Variants in NKAIN3 observed in about 807,000 individuals in gnomAD.
NKAIN3 encodes sodium/potassium-transporting ATPase subunit beta-1-interacting protein 3.
NKAIN3 carries 25 observed loss-of-function variants against 30.2 expected under a neutral mutation model. That is an observed-to-expected ratio of 0.83 (90% CI 0.60 to 1.16). The LOEUF is 1.16. Ranked by LOEUF, NKAIN3 falls within the 50% of genes most tolerant of loss-of-function variation. The probability of loss-of-function intolerance (pLI) is 0.00; values close to 1 mark genes in which losing one functional copy is unlikely to be tolerated. For missense variants in NKAIN3, 225 were observed against 254.1 expected, an observed-to-expected ratio of 0.89 and a Z score of 0.78; for synonymous variants, 91 against 89.6, an observed-to-expected ratio of 1.02 and a Z score of -0.09.
At chr8:62,657,429 G>A (rs1310158131) in intron 3 of NKAIN3, among the ~76,000 whole-genome samples, 1 of 152,128 alleles carries the variant, frequency 6.6e-6, no homozygotes. Context: ...CCAATCTCAA[G>A]AGCAAGAGAA....
chr8:62,912,797 G>A (rs199517180), intron 4 of NKAIN3, among the ~76,000 whole-genome samples: 4 of 151,910 alleles, frequency 2.6e-5, no homozygotes, highest in South Asian at 4.2e-4. Context: ...TAATCCCAGC[G>A]ACTCGGGAGG....
rs1364699106 is a variant in NKAIN3, at chr8:62,581,887, TC to T, written c.192+2213del. Among the ~76,000 whole-genome samples the T allele has an allele frequency of 1.5e-3, 17 of 11,388 alleles. 2 individuals carry two copies. The highest frequency in any genetic ancestry group is 5.5e-3 in the African/African-American group (15 of 2,710). 7.5% of individuals were successfully genotyped at this position (11,388 alleles called of 152,430 possible). ...ATCCTCACTCCCTTCCTTCTACCCT[TC>T]CTCCCTCCCTTCCTTCTTTCCTTCC... On this transcript the variant is annotated intron_variant, in intron 2 of 6. Coordinates refer to ENST00000623646, the MANE Select transcript of NKAIN3 (RefSeq NM_001304533.3).
At chr8:62,348,831 A>G (rs1165018452) in intron 1 of NKAIN3, among the ~76,000 whole-genome samples, 2 of 152,232 alleles carry the variant, frequency 1.3e-5, no homozygotes. Context: ...AATATCATTT[A>G]CACATTTCTC....
rs10086944 is a variant in NKAIN3 at position 62,800,882 on chromosome 8, C to A, written c.471+53753C>A. Among the ~76,000 whole-genome samples, 512 of 143,922 alleles carry A rather than the reference C, an allele frequency of 3.6e-3. 3 individuals carry two copies. Among genetic ancestry groups the A allele is most frequent in the African/African-American group, 0.011 (428 of 39,334 alleles). 94.4% of individuals were successfully genotyped at this position (143,922 alleles called of 152,430 possible). A position where few individuals can be genotyped will look rare whatever the true frequency, so the allele number is the denominator to read the frequency against. On this transcript the variant is annotated intron_variant, in intron 4 of 6. Coordinates refer to ENST00000623646, the MANE Select transcript of NKAIN3 (RefSeq NM_001304533.3). ...CCTAGTCAAAGAAAGGGGTGACAGA[C>A]GGCACCTGGAAAATCGGGTCACTCC...
At chr8:62,914,488 C>T (rs1822022207) in intron 4 of NKAIN3, among the ~76,000 whole-genome samples, 2 of 150,556 alleles carry the variant, frequency 1.3e-5, no homozygotes. Context: ...ACCCCCAAAC[C>T]TAAAATAAAA....
At chr8:62,880,915 T>C (rs1294258876) in intron 4 of NKAIN3, among the ~76,000 whole-genome samples, 2 of 152,192 alleles carry the variant, frequency 1.3e-5, no homozygotes, top group Non-Finnish European at 2.9e-5. Context: ...TTACATGCCA[T>C]ATACCCACTC....
At chr8:62,354,221 A>C (rs1816274418) in intron 1 of NKAIN3, among the ~76,000 whole-genome samples, 1 of 152,210 alleles carries the variant, frequency 6.6e-6, no homozygotes, top group South Asian at 2.1e-4. Flanking sequence ...TTTCTAATAC[A>C]AATTATATGT....
intron 2 of NKAIN3, 102 bp downstream of exon 2, chr8:62,579,778 C>A: frequency 1.7e-6 from 1 of 589,928 alleles, no homozygotes; most frequent in African/African-American, 1.9e-5. Context: ...TATAATGTGG[C>A]ATTGCTTTTC....
intron 1 of NKAIN3, among the ~76,000 whole-genome samples, chr8:62,562,874 T>A (rs1253319492): frequency 6.6e-6 from 1 of 152,164 alleles, no homozygotes; most frequent in African/African-American, 2.4e-5. Context: ...GCAGGTGGTC[T>A]CTATCACAAA....
At chr8:62,392,709 C>T (rs1817615065) in intron 1 of NKAIN3, among the ~76,000 whole-genome samples, 2 of 151,968 alleles carry the variant, frequency 1.3e-5, no homozygotes, top group South Asian at 4.1e-4. Flanking sequence ...AGTGTTGCAT[C>T]TGTTTGTCAA....
At chr8:62,608,804 A>G (rs192594771) in intron 3 of NKAIN3, among the ~76,000 whole-genome samples, 54 of 152,310 alleles carry the variant, frequency 3.5e-4, no homozygotes, top group African/African-American at 1.1e-3. Context: ...ATGAAATCAT[A>G]TAGTTTTATT....
At chr8:62,481,348 G>T (rs1806711623) in intron 1 of NKAIN3, among the ~76,000 whole-genome samples, 1 of 151,864 alleles carries the variant, frequency 6.6e-6, no homozygotes, top group Non-Finnish European at 1.5e-5. Flanking sequence ...CATCCTGGAG[G>T]GCACTTCTCA....
rs1245449706 is a variant in NKAIN3, at chr8:62,683,357, A to G, written c.274-63575A>G. On this transcript the variant is annotated intron_variant, in intron 3 of 6. Coordinates refer to ENST00000623646, the MANE Select transcript of NKAIN3 (RefSeq NM_001304533.3). ...CCACTATGGGTCAGTTTTTAATGATACTCGCTGTTGCTTCACAATGCAGTT... is the reference window on the plus strand; with the variant it reads ...CCACTATGGGTCAGTTTTTAATGATGCTCGCTGTTGCTTCACAATGCAGTT... Among the ~76,000 whole-genome samples, 5 of 152,120 alleles carry G rather than the reference A, an allele frequency of 3.3e-5. No homozygotes were observed. The East Asian group carries it at 7.8e-4, about 24-fold the overall frequency.
intron 1 of NKAIN3, among the ~76,000 whole-genome samples, chr8:62,525,634 G>A (rs374259539): frequency 6.6e-6 from 1 of 152,020 alleles, no homozygotes; most frequent in African/African-American, 2.4e-5. Context: ...CCTGCCCCTC[G>A]GTCGAGCACT....
intron 4 of NKAIN3, among the ~76,000 whole-genome samples, chr8:62,771,347 A>G (rs1037761161): frequency 6.6e-6 from 1 of 151,662 alleles, no homozygotes; most frequent in East Asian, 1.9e-4. Flanking sequence ...AAAGAAAGAG[A>G]TTTTTAAATG....
chr8:62,965,620 T>TG lies in NKAIN3; in HGVS notation c.*213_*214insG, dbSNP rs1823689281. 16 of 886,500 alleles carry TG rather than the reference T, an allele frequency of 1.8e-5. No homozygotes were observed. Among genetic ancestry groups the TG allele is most frequent in the Non-Finnish European group, 2.1e-5 (16 of 749,996 alleles). 54.9% of individuals were successfully genotyped at this position (886,500 alleles called of 1,614,324 possible). ...TTCTTATATGAACACTTGTAAGTTG[T>TG]AAAAAAAAAAAAAAAAGAAAAAACA... On this transcript the variant is annotated 3_prime_UTR_variant, in exon 7 of 7. Transcript: ENST00000623646.
At chr8:62,449,676 A>C (rs1805583121) in intron 1 of NKAIN3, among the ~76,000 whole-genome samples, 1 of 152,102 alleles carries the variant, frequency 6.6e-6, no homozygotes, top group African/African-American at 2.4e-5. Flanking sequence ...GTATTAAAAT[A>C]CTAAAAGGTA....
chr8:62,569,552 G>C (rs953777768), intron 1 of NKAIN3, among the ~76,000 whole-genome samples: 14 of 152,106 alleles, frequency 9.2e-5, no homozygotes, highest in Non-Finnish European at 1.8e-4. Flanking sequence ...GAGTTGGGCA[G>C]ATTATTTGAG....
intron 4 of NKAIN3, chr8:62,855,474 T>C: frequency 1.5e-6 from 2 of 1,339,508 alleles, no homozygotes; most frequent in South Asian, 2.3e-5. Flanking sequence ...AAATCTTCAT[T>C]ATTTTGTTTT....
Sources: allele counts gnomAD v4.1 joint callset (sites outside exome capture counted in the v4.1 genomes callset), GRCh38; gene constraint gnomAD v4.1.1; transcripts MANE v1.5; gene names NCBI Gene and HGNC (gene_info 2026-07-23, HGNC 2026-07-21).